The following MOB3C variants were observed in gnomAD, a reference collection of about 807,000 sequenced individuals.
The protein encoded by MOB3C is MOB1, Mps One Binder kinase activator-like 2C.
Under a neutral mutation model 19.8 loss-of-function variants are expected in MOB3C, and 17 were observed. That is an observed-to-expected ratio of 0.86 (90% CI 0.59 to 1.29). The LOEUF is 1.29. Among genes scored for constraint, MOB3C ranks in the 50% most tolerant of loss-of-function variants. The pLI is 0.00. For synonymous variants in MOB3C, 101 were observed against 119.2 expected (o/e 0.85, Z 0.99); for missense variants, 291 against 301.9 (o/e 0.96, Z 0.27).
At chr1:46,610,672 G>A (rs1675448557) in intron 2 of MOB3C, among the ~76,000 whole-genome samples, 1 of 152,166 alleles carries the variant, frequency 6.6e-6, no homozygotes, top group South Asian at 2.1e-4. Flanking sequence ...ATGAGCCACT[G>A]TGCCTGGCCA....
At chr1:46,609,766 C>T in intron 3 of MOB3C, 82 bp from the exon 4 acceptor site, 1 of 1,563,918 alleles carries the variant, frequency 6.4e-7, no homozygotes, top group South Asian at 1.2e-5. Context: ...GGCCTAGCTG[C>T]TCTTCTGTCT....
chr1:46,613,229 G>A lies in MOB3C; in HGVS notation c.93C>T (p.Tyr31=), dbSNP rs1445742420. 6.2e-7 allele frequency: 1 copy of A among 1,614,172 alleles called. No homozygotes were observed. Among genetic ancestry groups the A allele is most frequent in the Non-Finnish European group, 8.5e-7 (1 of 1,180,044 alleles). ...ACTTGAGAGAGGCCTGTGCCTTCTTGTACAGCTCAAAGCGCTGTGTGCCCG... is the reference window on the plus strand; with the variant it reads ...ACTTGAGAGAGGCCTGTGCCTTCTTATACAGCTCAAAGCGCTGTGTGCCCG... ...FEPGTQRFEL[Y]KKAQASLKSG... is the part of the protein sequence containing the mutation. Residue 31 remains tyrosine, a synonymous_variant, in exon 2 of 4, where the codon TAC becomes TAT. Coordinates refer to ENST00000319928, the MANE Select transcript of MOB3C (RefSeq NM_201403.3).
chr1:46,611,983 T>TG lies in MOB3C; in HGVS notation c.418+920dup. Reference sequence around the variant, plus strand: ...CTGCAGAGATGAGCTCCAGGCCAGGTGGGGGCTGGGCCCAGCTACAGGTGC... The same window carrying TG: ...CTGCAGAGATGAGCTCCAGGCCAGGTGGGGGGCTGGGCCCAGCTACAGGTGC... On this transcript the variant is annotated intron_variant, in intron 2 of 3. Transcript: ENST00000319928. This position sits in a 1 kb window ranked among gnomAD's most constrained non-coding sequence, Gnocchi z 4.1. Among the ~76,000 whole-genome samples the TG allele has an allele frequency of 6.6e-6, 1 of 152,108 alleles. No individual in the cohort carries two copies. Among genetic ancestry groups the TG allele is most frequent in the Non-Finnish European group, 1.5e-5 (1 of 68,012 alleles).
At chr1:46,609,799 C>T in intron 3 of MOB3C, 115 bp from the exon 4 acceptor site, 1 of 1,430,770 alleles carries the variant, frequency 7.0e-7, no homozygotes, top group Non-Finnish European at 9.6e-7. Context: ...CCCCCAGCAA[C>T]CCCAACTCTT....
In MOB3C at chr1:46,608,387, G is replaced by C. The variant is rs1675404651; in HGVS notation, c.*1268C>G. ...GGAGGCTCTGGGAGGGCAGAACCCT[G>C]TTCCTGCCTCAGTTTCCCCACCTGT... On this transcript the variant is annotated 3_prime_UTR_variant, in exon 4 of 4. Coordinates refer to ENST00000319928, the MANE Select transcript of MOB3C (RefSeq NM_201403.3). The surrounding 1 kb of genome is among the most constrained non-coding windows in gnomAD (Gnocchi z 4.5). 1 of 152,442 alleles carries C rather than the reference G, an allele frequency of 6.6e-6. No homozygotes were observed. The highest frequency in any genetic ancestry group is 1.5e-5 in the Non-Finnish European group (1 of 68,112). 9.4% of individuals were successfully genotyped at this position (152,442 alleles called of 1,614,324 possible).
At chr1:46,614,863 G>T in intron 1 of MOB3C, 1 of 811,488 alleles carries the variant, frequency 1.2e-6, no homozygotes, top group South Asian at 1.8e-5. Context: ...GTCCTTCCTT[G>T]AACCCACAAA....
chr1:46,615,066 C>G, intron 1 of MOB3C: 1 of 1,613,090 alleles, frequency 6.2e-7, no homozygotes, highest in Non-Finnish European at 8.5e-7. Flanking sequence ...AAAGAGATTT[C>G]TGCGCTTCAT....
At chr1:46,609,825 G>T in intron 3 of MOB3C, 141 bp from the exon 4 acceptor site, 2 of 1,332,024 alleles carry the variant, frequency 1.5e-6, no homozygotes, top group Non-Finnish European at 2.1e-6. Context: ...GCAGATCTGG[G>T]TTTGTAAACC....
chr1:46,613,827 C>G (rs761311039), intron 1 of MOB3C: 111 of 168,698 alleles, frequency 6.6e-4, no homozygotes, highest in South Asian at 1.8e-3. Flanking sequence ...TTTCGGCTTC[C>G]TCTGGGATAT....
chr1:46,614,929 C>T, intron 1 of MOB3C: 2 of 1,441,764 alleles, frequency 1.4e-6, no homozygotes, highest in African/African-American at 2.8e-5. Context: ...AGAGTAGAAA[C>T]AGGCCATTCA....
At chr1:46,609,769 T>A (rs1675430404) in intron 3 of MOB3C, 85 bp from the exon 4 acceptor site, 1 of 1,561,042 alleles carries the variant, frequency 6.4e-7, no homozygotes, top group Non-Finnish European at 8.7e-7. Flanking sequence ...CTAGCTGCTC[T>A]TCTGTCTGAG....
rs1381489183 is a variant in MOB3C at position 46,613,245 on chromosome 1, T to G, written c.77A>C (p.Gln26Pro). The change falls in exon 2 of 4, where the codon CAG (glutamine) becomes CCG (proline). Residue 26 changes from glutamine to proline, a missense_variant. Coordinates refer to ENST00000319928, the MANE Select transcript of MOB3C (RefSeq NM_201403.3). ...RPRKRFEPGT[Q>P]RFELYKKAQA... ...TGCCTTCTTGTACAGCTCAAAGCGCTGTGTGCCCGGCTCAAAGCGCTTCCG... is the reference window on the plus strand; with the variant it reads ...TGCCTTCTTGTACAGCTCAAAGCGCGGTGTGCCCGGCTCAAAGCGCTTCCG... 3 of 1,614,042 alleles carry G rather than the reference T, an allele frequency of 1.9e-6. No individual in the cohort carries two copies. The highest frequency in any genetic ancestry group is 1.1e-5 in the South Asian group (1 of 91,080).
rs147799654 is a variant in MOB3C, at chr1:46,610,144, C to T, written c.479G>A (p.Arg160Gln). ...GTGGATGTAGACATGGACAAAGACT[C>T]GGAAGAGGCGGGTCAGGATCTTGGT... ...VCTKILTRLF[R>Q]VFVHVYIHHF... is the part of the protein sequence containing the mutation. The change falls in exon 3 of 4, where the codon CGA (arginine) becomes CAA (glutamine). Residue 160 changes from arginine (R) to glutamine (Q), a missense_variant. By Grantham distance (43) the Arg-to-Gln change is conservative. Transcript: ENST00000319928. The T allele has an allele frequency of 1.9e-5, 30 of 1,614,024 alleles. No homozygotes were observed. Among genetic ancestry groups the T allele is most frequent in the Non-Finnish European group, 2.3e-5 (27 of 1,180,046 alleles).
At chr1:46,613,707 CAG>C (rs1407670112) in intron 1 of MOB3C, 3 of 307,518 alleles carry the variant, frequency 9.8e-6, no homozygotes, top group African/African-American at 2.1e-5. Context: ...CACCAGCAGA[CAG>C]GGGCTTGGAC....
Position 46,609,499 on chromosome 1 carries a change from G to T in MOB3C, c.*156C>A. On this transcript the variant is annotated 3_prime_UTR_variant, in exon 4 of 4. Transcript: ENST00000319928. ...CCATCCACAAGCGGTCAGGGCGACA[G>T]GTAGGCAGACTCCTGAGAACCAGAA... 1 of 921,288 alleles carries T rather than the reference G, an allele frequency of 1.1e-6. No individual in the cohort carries two copies. Among genetic ancestry groups the T allele is most frequent in the Non-Finnish European group, 1.7e-6 (1 of 576,656 alleles). 57.1% of individuals were successfully genotyped at this position (921,288 alleles called of 1,614,324 possible). A position where few individuals can be genotyped will look rare whatever the true frequency, so the allele number is the denominator to read the frequency against.
intron 1 of MOB3C, 115 bp downstream of exon 1, chr1:46,616,596 C>T (rs991910333): frequency 1.8e-4 from 28 of 152,208 alleles, no homozygotes; most frequent in African/African-American, 6.7e-4. Flanking sequence ...GCCAGCCTGC[C>T]TTCGGGCGGG....
At chr1:46,615,716 A>G (rs1051460543) in intron 1 of MOB3C, 2 of 152,358 alleles carry the variant, frequency 1.3e-5, no homozygotes, top group African/African-American at 4.8e-5. Flanking sequence ...CATGACCAAG[A>G]GTAAAAGACC....
Position 46,608,962 on chromosome 1 carries a change from T to C in MOB3C, c.*693A>G. On this transcript the variant is annotated 3_prime_UTR_variant, in exon 4 of 4. Transcript: ENST00000319928. This position sits in a 1 kb window ranked among gnomAD's most constrained non-coding sequence, Gnocchi z 4.5. ...TCCTCTTCCTACGTTCCCCCAGCTC[T>C]CCAGGACTCATGCTGATGGAAGAGT... 3 of 152,804 alleles carry C rather than the reference T, an allele frequency of 2.0e-5. No individual in the cohort carries two copies. Among genetic ancestry groups the C allele is most frequent in the Non-Finnish European group, 4.4e-5 (3 of 68,256 alleles). 9.5% of individuals were successfully genotyped at this position (152,804 alleles called of 1,614,324 possible).
intron 2 of MOB3C, among the ~76,000 whole-genome samples, chr1:46,612,266 C>A (rs909151906): frequency 1.3e-5 from 2 of 151,936 alleles, no homozygotes; most frequent in Middle Eastern, 6.8e-3. Flanking sequence ...CCCTCCTTTT[C>A]CTGAGGCCAG....
Sources: gnomAD v4.1 joint callset for allele counts (sites outside exome capture counted in the v4.1 genomes callset) on GRCh38, gnomAD v4.1.1 for gene constraint, Gnocchi (gnomAD v3.1) non-coding constraint, MANE v1.5 for transcripts, NCBI Gene and HGNC (gene_info 2026-07-23, HGNC 2026-07-21) for gene names.